IGSF10: variants seen among roughly 807,000 people sequenced by gnomAD.
IGSF10 encodes the protein calvaria mechanical force protein 608.
In IGSF10, 126 loss-of-function variants were observed where a neutral mutation model predicts 128.2. The ratio of observed to expected loss-of-function variants is 0.98; its 90% CI spans 0.85 to 1.14. IGSF10 has a LOEUF of 1.14. Ranked by LOEUF, IGSF10 falls within the 50% of genes most tolerant of loss-of-function variation. The probability of loss-of-function intolerance (pLI) is 0.00; values close to 1 mark genes in which losing one functional copy is unlikely to be tolerated. For missense variants in IGSF10, 3,295 were observed against 3,149.8 expected (o/e 1.05, Z -1.10); for synonymous variants, 1,185 against 1,146.2 (o/e 1.03, Z -0.68).
the IGSF10 span, among the ~76,000 whole-genome samples, chr3:151,525,269 G>C: frequency 1.2e-3 from 178 of 151,984 alleles, 1 homozygote; most frequent in African/African-American, 4.1e-3. Context: ...GTAGTTTACG[G>C]AAGTACAATT....
chr3:151,491,674 A>G, the IGSF10 span, among the ~76,000 whole-genome samples: 2 of 152,180 alleles, frequency 1.3e-5, no homozygotes, highest in African/African-American at 4.8e-5. Context: ...TCTCCCAACA[A>G]AGAAAAGCAC....
the IGSF10 span, among the ~76,000 whole-genome samples, chr3:151,550,108 G>A: frequency 2.0e-5 from 3 of 152,218 alleles, no homozygotes; most frequent in South Asian, 4.1e-4. Flanking sequence ...GGGAGAAAAT[G>A]ACTTGTAGTA....
At chr3:151,561,026 G>C in the IGSF10 span, among the ~76,000 whole-genome samples, 1 of 152,086 alleles carries the variant, frequency 6.6e-6, no homozygotes, top group African/African-American at 2.4e-5. Context: ...TTTCTAAATT[G>C]AGCCAACATA....
the IGSF10 span, among the ~76,000 whole-genome samples, chr3:151,506,704 G>C: frequency 1.3e-5 from 2 of 151,978 alleles, no homozygotes; most frequent in African/African-American, 2.4e-5. Context: ...GTGCTTACGA[G>C]ATATAAAATA....
chr3:151,445,789 G>C lies in IGSF10; in HGVS notation c.4192C>G (p.Pro1398Ala). ...CTTGAAATCCCAGTTGTGTTTTCTGGTGGGGAATGAGTGAATGCAGAGACA... is the reference window on the plus strand; with the variant it reads ...CTTGAAATCCCAGTTGTGTTTTCTGCTGGGGAATGAGTGAATGCAGAGACA... The part of the protein sequence containing the change: ...PSVSAFTHSP[P>A]ENTTGISSTI... Residue 1398 changes from proline (P) to alanine (A), a missense_variant, in exon 6 of 8, where the codon CCA (proline) becomes GCA (alanine). Transcript: ENST00000282466. 1.2e-6 allele frequency: 2 copies of C among 1,614,218 alleles called. No individual in the cohort carries two copies. Among genetic ancestry groups the C allele is most frequent in the Non-Finnish European group, 1.7e-6 (2 of 1,180,040 alleles).
chr3:151,510,975 A>T, the IGSF10 span, among the ~76,000 whole-genome samples: 1 of 152,228 alleles, frequency 6.6e-6, no homozygotes, highest in Non-Finnish European at 1.5e-5. Context: ...GAAAAGACCA[A>T]ATCTACGTCT....
chr3:151,438,466 C>T lies in IGSF10; in HGVS notation c.6095G>A (p.Ser2032Asn), dbSNP rs1014505628. Residue 2032 changes from serine (S) to asparagine (N), a missense_variant, in exon 8 of 8, where the codon AGC becomes AAC. Coordinates refer to ENST00000282466, the MANE Select transcript of IGSF10 (RefSeq NM_178822.5). ...MGDDLILMHV[S>N]LRLKPAKIDH... ...AATTTTGGCAGGTTTCAGTCTTAGG[C>T]TAACATGCATCAGTATCAGATCATC... The T allele has an allele frequency of 1.9e-6, 3 of 1,614,014 alleles. No homozygotes were observed. Among genetic ancestry groups the T allele is most frequent in the African/African-American group, 2.7e-5 (2 of 74,898 alleles).
At chr3:151,527,209 A>G in the IGSF10 span, among the ~76,000 whole-genome samples, 1 of 152,182 alleles carries the variant, frequency 6.6e-6, no homozygotes, top group African/African-American at 2.4e-5. Context: ...CTGGCTCTGG[A>G]AAATAGGAAG....
At chr3:151,432,849 A>C, downstream of IGSF10, 1 of 1,496,882 alleles carries the variant, frequency 6.7e-7, no homozygotes, top group Non-Finnish European at 9.2e-7. Context: ...TGCACTGAAA[A>C]ACAGAAAATC....
chr3:151,577,923 T>C, the IGSF10 span, among the ~76,000 whole-genome samples: 1 of 152,168 alleles, frequency 6.6e-6, no homozygotes, highest in Non-Finnish European at 1.5e-5. Context: ...CAAGCATTTG[T>C]GCTCTTTGTT....
chr3:151,472,512 A>G, the IGSF10 span, among the ~76,000 whole-genome samples: 1 of 152,170 alleles, frequency 6.6e-6, no homozygotes, highest in African/African-American at 2.4e-5. Flanking sequence ...GAAAAGGTTG[A>G]AAGAACAAAC....
chr3:151,584,578 A>AGC, the IGSF10 span, among the ~76,000 whole-genome samples: 9 of 152,218 alleles, frequency 5.9e-5, no homozygotes, highest in East Asian at 1.7e-3. Context: ...GTGGATGCAC[A>AGC]TGATTTATCA....
chr3:151,560,334 T>C, the IGSF10 span, among the ~76,000 whole-genome samples: 1 of 152,012 alleles, frequency 6.6e-6, no homozygotes, highest in South Asian at 2.1e-4. Flanking sequence ...CCTCTCACAC[T>C]CCCATAATTT....
Position 151,437,957 on chromosome 3 carries a change from T to C in IGSF10, c.6604A>G (p.Lys2202Glu). 1.2e-6 allele frequency: 2 copies of C among 1,614,234 alleles called. No individual in the cohort carries two copies. Among genetic ancestry groups the C allele is most frequent in the Non-Finnish European group, 1.7e-6 (2 of 1,180,038 alleles). The change falls in exon 8 of 8, where the codon AAA (lysine) becomes GAA (glutamate). Residue 2202 changes from lysine (K) to glutamate (E), a missense_variant. By Grantham distance (56) the Lys-to-Glu change is moderately conservative. Coordinates refer to ENST00000282466, the MANE Select transcript of IGSF10 (RefSeq NM_178822.5). The stretch of plus-strand genomic sequence containing the variant: ...TCTCCAGAATCGAGCAGTTTCACTT[T>C]GTTGATGGTCAAAGACCCATTGGCA... Reference protein sequence around the residue: ...FHANGSLTINKVKLLDSGEYV... With the variant: ...FHANGSLTINEVKLLDSGEYV...
the IGSF10 span, among the ~76,000 whole-genome samples, chr3:151,612,676 T>C: frequency 1.3e-5 from 2 of 152,192 alleles, no homozygotes; most frequent in Non-Finnish European, 2.9e-5. Context: ...ATTAGCGATA[T>C]GGGCATACAG....
At chr3:151,584,281 G>A in the IGSF10 span, among the ~76,000 whole-genome samples, 1 of 151,988 alleles carries the variant, frequency 6.6e-6, no homozygotes, top group Admixed American at 6.6e-5. Flanking sequence ...ACTTCTCTTG[G>A]CATTTGCATA....
the IGSF10 span, among the ~76,000 whole-genome samples, chr3:151,551,484 C>G: frequency 7.5e-3 from 906 of 120,684 alleles, 12 homozygotes; most frequent in African/African-American, 0.026. Context: ...GAACACAATC[C>G]AAAAACAAAA....
chr3:151,472,511 G>A, the IGSF10 span, among the ~76,000 whole-genome samples: 2 of 152,128 alleles, frequency 1.3e-5, no homozygotes, highest in South Asian at 2.1e-4. Context: ...TGAAAAGGTT[G>A]AAAGAACAAA....
rs1182185093 is a variant in IGSF10, at chr3:151,447,289, G to A, written c.2692C>T (p.Leu898Phe). 1 of 1,614,070 alleles carries A rather than the reference G, an allele frequency of 6.2e-7. No homozygotes were observed. The highest frequency in any genetic ancestry group is 2.2e-5 in the East Asian group (1 of 44,898). ...QHSSTVFPLL[L>F]GATEFQDSDQ... The stretch of plus-strand genomic sequence containing the variant: ...GAGTCCTGAAATTCAGTTGCTCCAA[G>A]TAGCAGTGGAAAGACAGTGGATGAA... Residue 898 changes from leucine to phenylalanine, a missense_variant, in exon 6 of 8, where the codon CTT becomes TTT. Transcript: ENST00000282466.
Sources: gnomAD v4.1 joint callset for allele counts (sites outside exome capture counted in the v4.1 genomes callset) on GRCh38, gnomAD v4.1.1 for gene constraint, MANE v1.5 for transcripts, NCBI Gene and HGNC (gene_info 2026-07-23, HGNC 2026-07-21) for gene names.